GCNT1: variants seen among roughly 807,000 people sequenced by gnomAD.
The protein encoded by GCNT1 is glucosaminyl (N-acetyl) transferase 1, also known as beta-1,3-galactosyl-O-glycosyl-glycoprotein beta-1,6-N-acetylglucosaminyltransferase.
GCNT1 carries 16 observed loss-of-function variants against 26.2 expected under a neutral mutation model. The ratio of observed to expected loss-of-function variants is 0.61; its 90% confidence interval spans 0.41 to 0.93. The LOEUF (loss-of-function observed/expected upper bound fraction) is 0.93. Among genes scored for constraint, GCNT1 ranks in the 40% least tolerant of loss-of-function variants. The pLI, the probability that GCNT1 is intolerant of heterozygous loss-of-function variation, is 0.00. For missense variants in GCNT1, 477 were observed against 526.7 expected (o/e 0.91, Z 0.92); for synonymous variants, 183 against 190.8 (o/e 0.96, Z 0.34).
At position 76,503,194 on chromosome 9, in the gene GCNT1, T is replaced by C. The variant is rs750824838; in HGVS notation, c.813T>C (p.Thr271=). ...ATGGAAAGCTGACAAACACAGGGAC[T>C]GTCAAAATGCTTCCTCCACTCGAAA... The part of the protein sequence containing the change: ...VVNGKLTNTG[T]VKMLPPLETP... Residue 271 remains threonine (T), a synonymous_variant, in exon 4 of 4, where the codon ACT becomes ACC. Coordinates refer to ENST00000376730, the MANE Select transcript of GCNT1 (RefSeq NM_001490.5). 6.2e-7 allele frequency: 1 copy of C among 1,614,132 alleles called. No homozygotes were observed. The highest frequency in any genetic ancestry group is 8.5e-7 in the Non-Finnish European group (1 of 1,180,000).
intron 2 of GCNT1, among the ~76,000 whole-genome samples, chr9:76,469,337 C>T (rs1347447562): frequency 6.6e-6 from 1 of 152,200 alleles, no homozygotes; most frequent in African/African-American, 2.4e-5. Flanking sequence ...ACTTAGCTCA[C>T]ACCCGACCAA....
At chr9:76,458,675 G>A (rs1031702099), upstream of GCNT1, among the ~76,000 whole-genome samples, 7 of 152,146 alleles carry the variant, frequency 4.6e-5, no homozygotes, top group Non-Finnish European at 7.4e-5. Flanking sequence ...CAGCACTGTG[G>A]ATTGTTCCAC....
At chr9:76,496,165 C>T (rs1483640354) in intron 2 of GCNT1, among the ~76,000 whole-genome samples, 1 of 152,190 alleles carries the variant, frequency 6.6e-6, no homozygotes, top group African/African-American at 2.4e-5. Context: ...TTCCATTAGG[C>T]CTGGTGTGCC....
chr9:76,431,838 G>T (rs9775455), intron 1 of GCNT1, among the ~76,000 whole-genome samples: 6 of 152,114 alleles, frequency 3.9e-5, no homozygotes, highest in African/African-American at 1.4e-4. Context: ...GGCCAGCCAC[G>T]TTGGCTCATG....
At chr9:76,470,402 G>A (rs1029165695) in intron 2 of GCNT1, among the ~76,000 whole-genome samples, 1 of 151,852 alleles carries the variant, frequency 6.6e-6, no homozygotes, top group Non-Finnish European at 1.5e-5. Flanking sequence ...CCAGGAGTTC[G>A]AGACCAGCCT....
chr9:76,489,073 C>G (rs1327247044), intron 2 of GCNT1, among the ~76,000 whole-genome samples: 2 of 152,168 alleles, frequency 1.3e-5, no homozygotes, highest in Admixed American at 6.5e-5. Flanking sequence ...TACTTGAAAA[C>G]AGGGTTCAGC....
the GCNT1 span, among the ~76,000 whole-genome samples, chr9:76,402,826 C>T: frequency 5.9e-4 from 90 of 152,110 alleles, no homozygotes; most frequent in East Asian, 0.011. Context: ...ATTACAGGCA[C>T]GCGCCACCAC....
chr9:76,500,324 G>A (rs1018911371), intron 2 of GCNT1, among the ~76,000 whole-genome samples: 5 of 152,130 alleles, frequency 3.3e-5, no homozygotes, highest in African/African-American at 9.7e-5. Flanking sequence ...TTAGTTAGTG[G>A]TCTGCTAATG....
the GCNT1 span, among the ~76,000 whole-genome samples, chr9:76,401,572 CT>C: frequency 7.1e-4 from 108 of 152,234 alleles, 1 homozygote; most frequent in Admixed American, 5.6e-3. Context: ...TTCCTCACCC[CT>C]AATGCGTTGT....
intron 1 of GCNT1, chr9:76,420,533 C>T (rs2131569801): frequency 6.6e-6 from 1 of 152,350 alleles, no homozygotes; most frequent in South Asian, 2.1e-4. Flanking sequence ...GCTCAGCCTC[C>T]CATTTAGCTG....
upstream of GCNT1, among the ~76,000 whole-genome samples, chr9:76,440,097 G>T (rs7847904): frequency 0.42 from 61,658 of 147,004 alleles, 12,883 homozygotes; most frequent in Non-Finnish European, 0.44. Flanking sequence ...AAATTCCGTC[G>T]CAAAAATAAA....
At chr9:76,407,154 A>ATT in the GCNT1 span, among the ~76,000 whole-genome samples, 73 of 148,298 alleles carry the variant, frequency 4.9e-4, no homozygotes, top group African/African-American at 5.9e-4. Context: ...TTTTGAGTTA[A>ATT]TTTTTTTTTT....
intron 2 of GCNT1, among the ~76,000 whole-genome samples, chr9:76,483,273 T>G (rs1380932280): frequency 6.6e-6 from 1 of 152,222 alleles, no homozygotes; most frequent in Non-Finnish European, 1.5e-5. Context: ...CTCTACTGCA[T>G]AGCCCTGAAG....
rs1385202805 is a variant in GCNT1, at chr9:76,502,471, C to T, written c.90C>T (p.Ser30=). ...TTGTTTTATCCCTAATCACCTTCTC[C>T]GTTTTAAGGATTCATCAAAAGCCTG... is the stretch of plus-strand genomic sequence containing the variant. The part of the protein sequence containing the change: ...MVLVLSLITF[S]VLRIHQKPEF... The change falls in exon 4 of 4, where the codon TCC becomes TCT. Residue 30 remains serine (S), a synonymous_variant. Coordinates refer to ENST00000376730, the MANE Select transcript of GCNT1 (RefSeq NM_001490.5). The T allele has an allele frequency of 4.3e-6, 7 of 1,613,328 alleles. No individual in the cohort carries two copies. In the African/African-American group the frequency reaches 5.3e-5, roughly 12 times the overall value.
chr9:76,397,362 G>T, the GCNT1 span, among the ~76,000 whole-genome samples: 1 of 151,874 alleles, frequency 6.6e-6, no homozygotes. Flanking sequence ...GAGCAGTCAG[G>T]CTCCAATCTT....
intron 2 of GCNT1, among the ~76,000 whole-genome samples, chr9:76,486,407 A>G (rs1824576164): frequency 6.6e-6 from 1 of 152,162 alleles, no homozygotes. Flanking sequence ...ATCACATTTG[A>G]CCAATAGCTT....
chr9:76,433,587 C>G (rs1269446122), intron 1 of GCNT1, among the ~76,000 whole-genome samples: 2 of 152,186 alleles, frequency 1.3e-5, no homozygotes, highest in Non-Finnish European at 2.9e-5. Context: ...CCCACACACC[C>G]CCTCCTGCCA....
At chr9:76,457,552 G>A (rs1041966741), upstream of GCNT1, among the ~76,000 whole-genome samples, 3 of 152,198 alleles carry the variant, frequency 2.0e-5, no homozygotes, top group East Asian at 3.9e-4. Flanking sequence ...CCCAGCCCCG[G>A]CTATACTTTA....
chr9:76,477,997 C>T (rs1052321626), intron 2 of GCNT1, among the ~76,000 whole-genome samples: 3 of 152,036 alleles, frequency 2.0e-5, no homozygotes, highest in African/African-American at 7.2e-5. Context: ...AGATTGTAAA[C>T]GCACCAATCA....
Sources: gnomAD v4.1 joint callset for allele counts (sites outside exome capture counted in the v4.1 genomes callset) on GRCh38, gnomAD v4.1.1 for gene constraint, MANE v1.5 for transcripts, NCBI Gene and HGNC (gene_info 2026-07-23, HGNC 2026-07-21) for gene names.